The following C1QTNF3 variants were observed in gnomAD, a reference collection of about 807,000 sequenced individuals.
The protein encoded by C1QTNF3 is C1q and TNF related 3.
Under a neutral mutation model 32.6 loss-of-function variants are expected in C1QTNF3, and 26 were observed. The observed-to-expected ratio is 0.80, with a 90% CI of 0.58 to 1.11. The LOEUF (loss-of-function observed/expected upper bound fraction) is 1.11, where lower values mean the gene tolerates loss of function less well. Among genes scored for constraint, C1QTNF3 ranks in the 50% least tolerant of loss-of-function variants. The pLI is 0.00. For missense variants in C1QTNF3, 362 were observed against 398.2 expected (o/e 0.91, Z 0.77); for synonymous variants, 155 against 146.0 (o/e 1.06, Z -0.44).
At chr5:34,200,909 T>C in the C1QTNF3 span, 340 of 152,096 alleles carry the variant, frequency 2.2e-3, 2 homozygotes, top group African/African-American at 7.8e-3. Flanking sequence ...GGATGACTTA[T>C]AAACACTTCA....
At chr5:34,207,674 GACT>G in the C1QTNF3 span, among the ~76,000 whole-genome samples, 3 of 151,998 alleles carry the variant, frequency 2.0e-5, no homozygotes, top group African/African-American at 7.2e-5. Flanking sequence ...TCTACCTACT[GACT>G]CTTAAATCCC....
chr5:34,211,144 T>C, the C1QTNF3 span, among the ~76,000 whole-genome samples: 4 of 151,490 alleles, frequency 2.6e-5, no homozygotes, highest in Middle Eastern at 3.2e-3. Flanking sequence ...GTTTCATATA[T>C]GTACACAAAA....
chr5:34,034,867 G>C (rs995161072), intron 2 of C1QTNF3, among the ~76,000 whole-genome samples: 1 of 152,098 alleles, frequency 6.6e-6, no homozygotes, highest in East Asian at 1.9e-4. Context: ...TGTAAATTTG[G>C]TTTTGTGCAA....
the C1QTNF3 span, chr5:34,124,084 A>G: frequency 7.8e-4 from 151 of 194,502 alleles, no homozygotes; most frequent in Non-Finnish European, 1.3e-3. Flanking sequence ...CTTTAATGTC[A>G]AGTCAGAAAG....
At chr5:34,074,885 GA>G in the C1QTNF3 span, among the ~76,000 whole-genome samples, 43 of 151,656 alleles carry the variant, frequency 2.8e-4, no homozygotes, top group East Asian at 1.4e-3. Context: ...AATTATACAA[GA>G]AAAAAAGGTG....
chr5:34,235,923 CTG>C, the C1QTNF3 span, among the ~76,000 whole-genome samples: 1 of 152,202 alleles, frequency 6.6e-6, no homozygotes. Flanking sequence ...TTCATATAAA[CTG>C]TTTTTTTAAG....
chr5:34,137,620 T>C, the C1QTNF3 span, among the ~76,000 whole-genome samples: 1 of 152,238 alleles, frequency 6.6e-6, no homozygotes, highest in Non-Finnish European at 1.5e-5. Flanking sequence ...TTCTAAGTCT[T>C]TGAAAGACAA....
At chr5:34,159,007 T>C in the C1QTNF3 span, among the ~76,000 whole-genome samples, 1 of 152,180 alleles carries the variant, frequency 6.6e-6, no homozygotes, top group African/African-American at 2.4e-5. Flanking sequence ...ACATACATAG[T>C]GTATAAATAA....
At chr5:34,207,313 T>A in the C1QTNF3 span, among the ~76,000 whole-genome samples, 1 of 151,446 alleles carries the variant, frequency 6.6e-6, no homozygotes, top group South Asian at 2.1e-4. Context: ...TTTGGAAATA[T>A]CACTACATTC....
chr5:34,175,474 T>G, the C1QTNF3 span: 3 of 238,674 alleles, frequency 1.3e-5, no homozygotes, highest in East Asian at 3.2e-4. Flanking sequence ...TACCCTCCTC[T>G]GGAATGATGA....
At chr5:34,146,388 G>A in the C1QTNF3 span, among the ~76,000 whole-genome samples, 1 of 152,090 alleles carries the variant, frequency 6.6e-6, no homozygotes, top group African/African-American at 2.4e-5. Context: ...AACAAATCCA[G>A]GGACATTGTA....
the C1QTNF3 span, among the ~76,000 whole-genome samples, chr5:34,110,694 C>G: frequency 6.6e-6 from 1 of 152,090 alleles, no homozygotes; most frequent in African/African-American, 2.4e-5. Flanking sequence ...TAAAACTGAT[C>G]GCTGCTTATT....
chr5:34,131,440 GCACA>G, the C1QTNF3 span, among the ~76,000 whole-genome samples: 1 of 151,068 alleles, frequency 6.6e-6, no homozygotes, highest in East Asian at 1.9e-4. Flanking sequence ...ACACACAGGC[GCACA>G]CACACATATT....
chr5:34,046,617 C>T (rs1203250098), upstream of C1QTNF3, among the ~76,000 whole-genome samples: 2 of 152,192 alleles, frequency 1.3e-5, no homozygotes, highest in African/African-American at 4.8e-5. Context: ...CCTGCTAACA[C>T]CTTGATCTCA....
chr5:34,237,746 C>T, the C1QTNF3 span, among the ~76,000 whole-genome samples: 1 of 152,084 alleles, frequency 6.6e-6, no homozygotes, highest in Non-Finnish European at 1.5e-5. Flanking sequence ...CCAAACACTA[C>T]AGCTAGTTCC....
chr5:34,166,808 T>G, the C1QTNF3 span: 1 of 151,634 alleles, frequency 6.6e-6, no homozygotes, highest in Admixed American at 6.6e-5. Flanking sequence ...AATGACATAG[T>G]GAGAGTTATG....
chr5:34,142,025 G>A, the C1QTNF3 span, among the ~76,000 whole-genome samples: 10 of 152,242 alleles, frequency 6.6e-5, no homozygotes, highest in Admixed American at 6.5e-4. Context: ...TGATGGGGTG[G>A]CACAGGAACT....
chr5:34,171,332 CGTT>C, the C1QTNF3 span, among the ~76,000 whole-genome samples: 22 of 150,868 alleles, frequency 1.5e-4, no homozygotes, highest in Non-Finnish European at 2.8e-4. Flanking sequence ...CAAAAATTAA[CGTT>C]GTGAATATAT....
At chr5:34,078,100 T>C in the C1QTNF3 span, among the ~76,000 whole-genome samples, 3 of 151,618 alleles carry the variant, frequency 2.0e-5, no homozygotes, top group South Asian at 6.2e-4. This position sits in a 1 kb window ranked among gnomAD's most constrained non-coding sequence, Gnocchi z 4.0. Context: ...TGTGACAGAA[T>C]TGGTTGCCTG....
Sources: gnomAD v4.1 joint callset for allele counts (sites outside exome capture counted in the v4.1 genomes callset) on GRCh38, gnomAD v4.1.1 for gene constraint, Gnocchi (gnomAD v3.1) non-coding constraint, MANE v1.5 for transcripts, NCBI Gene and HGNC (gene_info 2026-07-23, HGNC 2026-07-21) for gene names.